FHIT: variants seen among roughly 807,000 people sequenced by gnomAD.
The protein encoded by FHIT is bis(5'-adenosyl)-triphosphatase.
FHIT carries 19 observed loss-of-function variants against 17.9 expected under a neutral mutation model. That is an observed-to-expected ratio of 1.06 (90% CI 0.74 to 1.56). The LOEUF is 1.56. Ranked by LOEUF, FHIT falls within the 40% of genes most tolerant of loss-of-function variation. FHIT has a pLI of 0.00. For missense variants in FHIT, 248 were observed against 189.2 expected (o/e 1.31, Z -1.82); for synonymous variants, 81 against 69.7 (o/e 1.16, Z -0.81).
At chr3:61,096,414 G>A (rs1171356826) in intron 2 of FHIT, among the ~76,000 whole-genome samples, 1 of 152,168 alleles carries the variant, frequency 6.6e-6, no homozygotes, top group Non-Finnish European at 1.5e-5. Flanking sequence ...ACTTTCTGGT[G>A]GCAGAATGAT....
At chr3:59,901,825 T>C (rs967586200) in intron 8 of FHIT, among the ~76,000 whole-genome samples, 12 of 152,138 alleles carry the variant, frequency 7.9e-5, no homozygotes, top group African/African-American at 2.4e-4. Flanking sequence ...CAAACACTTG[T>C]AATATTAACA....
At chr3:60,066,163 C>T (rs185174433) in intron 5 of FHIT, among the ~76,000 whole-genome samples, 38 of 152,128 alleles carry the variant, frequency 2.5e-4, no homozygotes, top group African/African-American at 7.7e-4. Flanking sequence ...AGGGTACTCA[C>T]CAGCTGTTGG....
At chr3:60,576,265 G>A (rs868981654) in intron 4 of FHIT, among the ~76,000 whole-genome samples, 1 of 152,000 alleles carries the variant, frequency 6.6e-6, no homozygotes, top group Admixed American at 6.6e-5. Context: ...GGAAGGCAAG[G>A]CACCAAACAT....
At position 60,011,373 on chromosome 3, in the gene FHIT, T is replaced by A; in HGVS notation, c.277A>T (p.Lys93Ter). The A allele has an allele frequency of 6.2e-7, 1 of 1,613,718 alleles. No individual in the cohort carries two copies. Among genetic ancestry groups the A allele is most frequent in the South Asian group, 1.1e-5 (1 of 91,080 alleles). The change falls in exon 7 of 10, where the codon AAG becomes TAG. Residue 93 changes from lysine to a stop codon, truncating the protein, a stop_gained and splice_region_variant. Transcript: ENST00000492590. LOFTEE classifies it high-confidence loss of function. ...QDGPEAGQTV[K>*]HVHVHVLPRK... ...GTATGCACATAATAAGCACTCACCT[T>A]CACAGTCTGTCCGGCTTCGGGGCCA...
At chr3:61,154,972 C>A (rs1459212358) in intron 2 of FHIT, among the ~76,000 whole-genome samples, 1 of 152,226 alleles carries the variant, frequency 6.6e-6, no homozygotes, top group African/African-American at 2.4e-5. Flanking sequence ...GGCCCTCTTC[C>A]CCTGCCAAGG....
chr3:61,121,171 C>A (rs1240936701), intron 2 of FHIT, among the ~76,000 whole-genome samples: 2 of 152,108 alleles, frequency 1.3e-5, no homozygotes, highest in African/African-American at 2.4e-5. Flanking sequence ...AAACACTCTT[C>A]AGGATATTAT....
At chr3:60,862,154 A>G (rs1004805218) in intron 3 of FHIT, among the ~76,000 whole-genome samples, 1 of 152,048 alleles carries the variant, frequency 6.6e-6, no homozygotes, top group Non-Finnish European at 1.5e-5. Flanking sequence ...AAAGGTAAAT[A>G]AAAATATGGA....
At chr3:60,040,597 C>G (rs1202766418) in intron 5 of FHIT, among the ~76,000 whole-genome samples, 1 of 152,170 alleles carries the variant, frequency 6.6e-6, no homozygotes, top group Non-Finnish European at 1.5e-5. Context: ...CTGGTTCTGG[C>G]TCTCTCATGC....
chr3:60,387,065 G>A (rs932438694), intron 5 of FHIT, among the ~76,000 whole-genome samples: 3 of 136,680 alleles, frequency 2.2e-5, no homozygotes, highest in Non-Finnish European at 4.6e-5. Context: ...TCAGCTCACT[G>A]CAACCTCTAC....
intron 3 of FHIT, among the ~76,000 whole-genome samples, chr3:61,014,807 A>AATATATATATATATATAT (rs1553798840): frequency 1.4e-4 from 7 of 49,100 alleles, no homozygotes; most frequent in Non-Finnish European, 2.7e-4. Flanking sequence ...AAAAAAAAAA[A>AATATATATATATATATAT]ATATATATAT....
At chr3:59,895,319 C>T (rs1227150209) in intron 8 of FHIT, among the ~76,000 whole-genome samples, 1 of 152,206 alleles carries the variant, frequency 6.6e-6, no homozygotes, top group Non-Finnish European at 1.5e-5. Flanking sequence ...CAGTGCCTAG[C>T]ACAGTTCCCA....
chr3:60,004,102 T>G (rs1045457487), intron 7 of FHIT, among the ~76,000 whole-genome samples: 1 of 152,058 alleles, frequency 6.6e-6, no homozygotes, highest in Non-Finnish European at 1.5e-5. Context: ...CCTTACTACA[T>G]CAACAAAGGT....
intron 4 of FHIT, among the ~76,000 whole-genome samples, chr3:60,691,453 C>T (rs1341328188): frequency 6.6e-6 from 1 of 151,868 alleles, no homozygotes; most frequent in Non-Finnish European, 1.5e-5. Context: ...ACTGTAGCCT[C>T]CACCTCCCCA....
At chr3:60,498,191 A>G (rs1322798519) in intron 5 of FHIT, among the ~76,000 whole-genome samples, 12 of 152,218 alleles carry the variant, frequency 7.9e-5, no homozygotes, top group Admixed American at 7.9e-4. Context: ...TTTAAATACT[A>G]TTTTAAATTT....
At chr3:60,567,897 T>C (rs996777953) in intron 4 of FHIT, among the ~76,000 whole-genome samples, 3 of 151,578 alleles carry the variant, frequency 2.0e-5, no homozygotes, top group Non-Finnish European at 2.9e-5. Flanking sequence ...GCAAAACAAA[T>C]CCGCAATGAG....
At chr3:59,773,752 C>T (rs771344236) in intron 8 of FHIT, among the ~76,000 whole-genome samples, 1 of 152,110 alleles carries the variant, frequency 6.6e-6, no homozygotes, top group Non-Finnish European at 1.5e-5. Context: ...GTTAGAAAAG[C>T]AGAACATAAG....
At chr3:60,243,996 TCAGA>T (rs1459632722) in intron 5 of FHIT, among the ~76,000 whole-genome samples, 6 of 152,020 alleles carry the variant, frequency 3.9e-5, no homozygotes, top group Admixed American at 3.3e-4. Context: ...GCTGAAAAAC[TCAGA>T]CAGGTCTTAC....
intron 3 of FHIT, among the ~76,000 whole-genome samples, chr3:60,927,494 G>C (rs1297870490): frequency 6.6e-6 from 1 of 152,130 alleles, no homozygotes; most frequent in Non-Finnish European, 1.5e-5. Flanking sequence ...AGTCTGGGAA[G>C]TGAGGAGCAC....
chr3:61,094,859 A>C (rs778167687), intron 2 of FHIT, among the ~76,000 whole-genome samples: 9 of 152,240 alleles, frequency 5.9e-5, no homozygotes, highest in Non-Finnish European at 1.3e-4. Context: ...GGAGCGAGAC[A>C]GCATGAGATT....
Sources: gnomAD v4.1 joint callset for allele counts (sites outside exome capture counted in the v4.1 genomes callset) on GRCh38, gnomAD v4.1.1 for gene constraint, MANE v1.5 for transcripts, NCBI Gene and HGNC (gene_info 2026-07-23, HGNC 2026-07-21) for gene names.